The following CFI variants were observed in gnomAD, a reference collection of about 807,000 sequenced individuals.
CFI encodes C3B/C4B inactivator.
CFI carries 66 observed loss-of-function variants against 78.8 expected under a neutral mutation model. That is an observed-to-expected ratio of 0.84 (90% CI 0.69 to 1.03). The LOEUF (loss-of-function observed/expected upper bound fraction) is 1.03, where lower values mean the gene tolerates loss of function less well. Ranked by LOEUF, CFI falls within the 50% of genes least tolerant of loss-of-function variation. CFI has a pLI of 0.00. For synonymous variants in CFI, 250 were observed against 232.6 expected, an observed-to-expected ratio of 1.07 and a Z score of -0.68; for missense variants, 706 against 704.5, an observed-to-expected ratio of 1.00 and a Z score of -0.02.
intron 7 of CFI, among the ~76,000 whole-genome samples, chr4:109,754,425 AAG>A (rs752861978): frequency 1.4e-5 from 2 of 146,060 alleles, no homozygotes; most frequent in Admixed American, 1.4e-4. Flanking sequence ...AAAAAAAAAA[AAG>A]AATCTTCTTT....
At position 109,746,373 on chromosome 4, in the gene CFI, G is replaced by A. The variant is rs934310669; in HGVS notation, c.1278C>T (p.Tyr426=). 1.7e-5 allele frequency: 27 copies of A among 1,613,974 alleles called. No individual in the cohort carries two copies. In the East Asian group the frequency reaches 5.3e-4, roughly 32 times the overall value. Residue 426 remains tyrosine (Y), a synonymous_variant, in exon 11 of 13, where the codon TAC becomes TAT. Transcript: ENST00000394634. ...IFHENYNAGT[Y]QNDIALIEMK... is the part of the protein sequence containing the mutation. ...TTTCAATCAAAGCGATGTCATTTTG[G>A]TAAGTGCCTGCATTGTAGTTTTCAT...
chr4:109,764,765 T>C, intron 2 of CFI, 75 bp from the exon 3 acceptor site: 1 of 1,335,832 alleles, frequency 7.5e-7, no homozygotes, highest in South Asian at 1.2e-5. Context: ...TCTTTAAAAA[T>C]AATAATGTAC....
chr4:109,779,573 G>A (rs1433430423), intron 1 of CFI, among the ~76,000 whole-genome samples: 1 of 152,148 alleles, frequency 6.6e-6, no homozygotes, highest in Non-Finnish European at 1.5e-5. Flanking sequence ...GTAATTTATA[G>A]ATTCAATGCC....
intron 3 of CFI, chr4:109,762,032 A>C: frequency 3.4e-6 from 1 of 297,644 alleles, no homozygotes; most frequent in South Asian, 3.3e-5. Flanking sequence ...CTCTACCAAA[A>C]ATACAAAAAT....
At chr4:109,789,223 T>C (rs759478725) in intron 1 of CFI, among the ~76,000 whole-genome samples, 1 of 151,922 alleles carries the variant, frequency 6.6e-6, no homozygotes, top group African/African-American at 2.4e-5. Flanking sequence ...AGTAGCCTAG[T>C]ACATATGTAA....
chr4:109,770,481 G>T (rs531695041), intron 1 of CFI, among the ~76,000 whole-genome samples: 1 of 151,490 alleles, frequency 6.6e-6, no homozygotes, highest in African/African-American at 2.4e-5. Flanking sequence ...ACTTGAACCC[G>T]GGAGGTGGAG....
At chr4:109,735,584 TA>T in the CFI span, among the ~76,000 whole-genome samples, 2 of 152,190 alleles carry the variant, frequency 1.3e-5, no homozygotes, top group Non-Finnish European at 2.9e-5. Flanking sequence ...GTGATGAAAA[TA>T]AAAGCCACGT....
intron 7 of CFI, among the ~76,000 whole-genome samples, chr4:109,757,326 G>T (rs1283630644): frequency 6.6e-6 from 1 of 151,962 alleles, no homozygotes; most frequent in Non-Finnish European, 1.5e-5. Flanking sequence ...AAGCCACCGC[G>T]CCCGGCAGTT....
chr4:109,760,500 T>A (rs770616029), intron 5 of CFI, 23 bp downstream of exon 5: 2 of 1,499,694 alleles, frequency 1.3e-6, no homozygotes, highest in Non-Finnish European at 1.9e-6. Context: ...TTTAGAGGAT[T>A]TAGAGGCTAG....
chr4:109,755,513 C>G (rs918970509), intron 7 of CFI, among the ~76,000 whole-genome samples: 1 of 152,086 alleles, frequency 6.6e-6, no homozygotes, highest in Admixed American at 6.6e-5. Context: ...GAGGGCTCTT[C>G]CCTCATTAAT....
At chr4:109,761,750 C>T (rs1727096461) in intron 3 of CFI, 58 bp from the exon 4 acceptor site, 1 of 1,394,530 alleles carries the variant, frequency 7.2e-7, no homozygotes, top group Non-Finnish European at 1.0e-6. Context: ...GCATTTATAA[C>T]CCTACTGTAG....
intron 1 of CFI, among the ~76,000 whole-genome samples, chr4:109,767,766 G>C (rs1254537235): frequency 6.6e-6 from 1 of 151,622 alleles, no homozygotes; most frequent in East Asian, 1.9e-4. Flanking sequence ...ATTTGACCCA[G>C]CCATCCCATT....
intron 10 of CFI, among the ~76,000 whole-genome samples, chr4:109,747,803 G>A (rs1305481155): frequency 6.6e-6 from 1 of 152,080 alleles, no homozygotes; most frequent in Admixed American, 6.6e-5. Flanking sequence ...GGGGAGGAGG[G>A]GATGATTTCC....
At chr4:109,775,839 G>C (rs898890201) in intron 1 of CFI, among the ~76,000 whole-genome samples, 3 of 152,110 alleles carry the variant, frequency 2.0e-5, no homozygotes, top group Non-Finnish European at 4.4e-5. Flanking sequence ...ATATTTGCTG[G>C]TCTGTAGCCT....
At chr4:109,739,543 G>A (rs1358032673), downstream of CFI, among the ~76,000 whole-genome samples, 1 of 151,832 alleles carries the variant, frequency 6.6e-6, no homozygotes, top group African/African-American at 2.4e-5. Flanking sequence ...GTCGGGTGGG[G>A]GTGCTATTTT....
chr4:109,768,781 T>C lies in CFI; in HGVS notation c.58-1957A>G, dbSNP rs115818615. ...GCTGGGGCAGACAAAAATCATAGTC[T>C]TTAAATGCCGTTAAGAAGGCAAATA... On this transcript the variant is annotated intron_variant, in intron 1 of 12. Transcript: ENST00000394634. Among the ~76,000 whole-genome samples the C allele has an allele frequency of 7.7e-3, 1,166 of 152,340 alleles. 13 individuals are homozygous for C. The highest frequency in any genetic ancestry group is 0.027 in the African/African-American group (1,109 of 41,568).
the CFI span, among the ~76,000 whole-genome samples, chr4:109,733,684 G>A: frequency 3.3e-5 from 5 of 152,282 alleles, no homozygotes; most frequent in South Asian, 1.0e-3. Flanking sequence ...TGAAATTTTG[G>A]CCTAAGCCAC....
chr4:109,793,346 A>G (rs1426065720), intron 1 of CFI: 3 of 152,236 alleles, frequency 2.0e-5, no homozygotes, highest in Non-Finnish European at 4.4e-5. Context: ...GTTGTCTTTT[A>G]ACTCATGTGG....
At chr4:109,774,867 AGTTCCTTGAGGTGT>A (rs1729027127) in intron 1 of CFI, among the ~76,000 whole-genome samples, 1 of 152,054 alleles carries the variant, frequency 6.6e-6, no homozygotes, top group African/African-American at 2.4e-5. Context: ...TTATTTCTCT[AGTTCCTTGAGGTGT>A]GATCTTAGAA....
Sources: allele counts gnomAD v4.1 joint callset (sites outside exome capture counted in the v4.1 genomes callset), GRCh38; gene constraint gnomAD v4.1.1; transcripts MANE v1.5; gene names NCBI Gene and HGNC (gene_info 2026-07-23, HGNC 2026-07-21).